The following PHF14 variants were observed in gnomAD, a reference collection of about 807,000 sequenced individuals.
PHF14 encodes the protein PHD finger protein 14.
In PHF14, 55 loss-of-function variants were observed where a neutral mutation model predicts 117.9. That is an observed-to-expected ratio of 0.47 (90% confidence interval 0.38 to 0.58). The LOEUF (loss-of-function observed/expected upper bound fraction) is 0.58. Ranked by LOEUF, PHF14 falls within the 20% of genes least tolerant of loss-of-function variation. PHF14 has a pLI of 0.00. For synonymous variants in PHF14, 409 were observed against 368.6 expected (o/e 1.11, Z -1.26); for missense variants, 978 against 1,122.2 (o/e 0.87, Z 1.84).
chr7:11,084,032 A>G (rs1391217310), intron 16 of PHF14, among the ~76,000 whole-genome samples: 2 of 152,242 alleles, frequency 1.3e-5, no homozygotes, highest in Non-Finnish European at 2.9e-5. Flanking sequence ...GTATAACATT[A>G]CATAAGGATA....
At position 11,097,766 on chromosome 7, in the gene PHF14, C is replaced by T. The variant is rs574009953; in HGVS notation, c.2655-13584C>T. ...TCTAACTCAGCATCTTGTTTAATATCATTGTATTACATAAGAATCAATAAA... is the reference window on the plus strand; with the variant it reads ...TCTAACTCAGCATCTTGTTTAATATTATTGTATTACATAAGAATCAATAAA... On this transcript the variant is annotated intron_variant, in intron 16 of 17. Coordinates refer to ENST00000634607, the MANE Select transcript of PHF14 (RefSeq NM_001007157.2). 5.3e-5 allele frequency among the ~76,000 whole-genome samples: 8 copies of T among 152,304 alleles called. No individual in the cohort carries two copies. The South Asian group carries it at 1.7e-3, about 32-fold the overall frequency.
At chr7:11,107,060 T>C (rs77444093) in intron 16 of PHF14, 81,884 of 982,080 alleles carry the variant, frequency 0.083, 3,553 homozygotes, top group African/African-American at 0.11. Context: ...GGAGGTGCAC[T>C]TAATTGTTTC....
rs56043099 is a variant in PHF14 at position 11,034,539 on chromosome 7, A to ATTTTTT, written c.1456-1079_1456-1074dup. ...ACAGGGCTTAGAATTTCTTAATTCT[A>ATTTTTT]TTTTTTTTTTTTTTTTTTTTTTTTT... On this transcript the variant is annotated intron_variant, in intron 7 of 17. Coordinates refer to ENST00000634607, the MANE Select transcript of PHF14 (RefSeq NM_001007157.2). Among the ~76,000 whole-genome samples, 21 of 63,096 alleles carry ATTTTTT rather than the reference A, an allele frequency of 3.3e-4. 1 individual carries two copies. Among genetic ancestry groups the ATTTTTT allele is most frequent in the East Asian group, 1.6e-3 (3 of 1,874 alleles). 41.4% of individuals were successfully genotyped at this position (63,096 alleles called of 152,430 possible).
At chr7:11,089,302 G>T (rs1387362909) in intron 16 of PHF14, among the ~76,000 whole-genome samples, 2 of 152,170 alleles carry the variant, frequency 1.3e-5, no homozygotes, top group African/African-American at 4.8e-5. Context: ...AAGGTGTAAG[G>T]ATATGTTCAT....
At chr7:11,046,440 T>C (rs536078533) in intron 13 of PHF14, among the ~76,000 whole-genome samples, 5 of 152,310 alleles carry the variant, frequency 3.3e-5, no homozygotes, top group African/African-American at 1.2e-4. Context: ...TCCTTGGATA[T>C]GTCTTTATTT....
intron 17 of PHF14, among the ~76,000 whole-genome samples, chr7:11,112,253 TGGA>T (rs1787470987): frequency 1.3e-5 from 2 of 152,220 alleles, no homozygotes; most frequent in South Asian, 4.1e-4. Flanking sequence ...TGTTGTATTA[TGGA>T]CATCCAGCCA....
At chr7:11,030,790 C>T (rs1784095491) in intron 7 of PHF14, among the ~76,000 whole-genome samples, 1 of 152,112 alleles carries the variant, frequency 6.6e-6, no homozygotes, top group Admixed American at 6.5e-5. Context: ...CTACCTTACT[C>T]AGTGTGCTGT....
chr7:10,979,615 T>G (rs1781987096), intron 2 of PHF14, among the ~76,000 whole-genome samples: 1 of 151,646 alleles, frequency 6.6e-6, no homozygotes, highest in African/African-American at 2.4e-5. Flanking sequence ...AAATTTTGTC[T>G]TTGCAGCCTA....
chr7:10,980,392 T>C (rs1782010372), intron 2 of PHF14, among the ~76,000 whole-genome samples: 2 of 152,180 alleles, frequency 1.3e-5, no homozygotes, highest in South Asian at 2.1e-4. Context: ...CTTAGAAGTG[T>C]TGAGTCAACT....
chr7:11,063,488 G>A (rs1029486471), intron 16 of PHF14: 2 of 982,424 alleles, frequency 2.0e-6, no homozygotes, highest in African/African-American at 1.8e-5. Flanking sequence ...TGGGGTTGAG[G>A]GTGGAGTTGA....
chr7:11,135,320 C>T (rs1283511975), intron 17 of PHF14, among the ~76,000 whole-genome samples: 1 of 151,828 alleles, frequency 6.6e-6, no homozygotes, highest in Non-Finnish European at 1.5e-5. Flanking sequence ...GTGAACCTGA[C>T]CAATACCTAA....
At chr7:11,100,654 A>C (rs1468003533) in intron 16 of PHF14, among the ~76,000 whole-genome samples, 1 of 151,948 alleles carries the variant, frequency 6.6e-6, no homozygotes, top group East Asian at 1.9e-4. Flanking sequence ...AGTGCCTTCC[A>C]CATTTGATCT....
intron 16 of PHF14, among the ~76,000 whole-genome samples, chr7:11,065,733 G>A (rs1347607509): frequency 6.6e-6 from 1 of 152,122 alleles, no homozygotes; most frequent in South Asian, 2.1e-4. Flanking sequence ...CTGTCTTTCA[G>A]TCTTTATCGA....
chr7:11,107,020 G>A (rs1032676791), intron 16 of PHF14: 1 of 983,348 alleles, frequency 1.0e-6, no homozygotes, highest in African/African-American at 1.8e-5. Context: ...CTAAAGTTTA[G>A]CTTACAAATG....
intron 7 of PHF14, among the ~76,000 whole-genome samples, chr7:11,030,648 T>G (rs745749858): frequency 6.6e-6 from 1 of 152,162 alleles, no homozygotes; most frequent in Admixed American, 6.5e-5. Context: ...TGAGGAAATT[T>G]ACAGGGAAAC....
At chr7:11,125,343 T>C (rs1344584586) in intron 17 of PHF14, among the ~76,000 whole-genome samples, 1 of 152,144 alleles carries the variant, frequency 6.6e-6, no homozygotes, top group African/African-American at 2.4e-5. Context: ...ATTTGTGTAG[T>C]GTCAGCTATT....
At chr7:11,137,859 T>TA (rs1272626609) in intron 17 of PHF14, among the ~76,000 whole-genome samples, 6 of 152,040 alleles carry the variant, frequency 3.9e-5, no homozygotes, top group Non-Finnish European at 5.9e-5. Flanking sequence ...AGTGTTGGGA[T>TA]TACAGGCATG....
At chr7:11,102,760 C>CT (rs1787135175) in intron 16 of PHF14, 5 of 1,382,954 alleles carry the variant, frequency 3.6e-6, no homozygotes, top group African/African-American at 2.9e-5. Flanking sequence ...TATTTTTCTT[C>CT]TTTTTGCTTT....
At chr7:11,145,368 A>G (rs1272778793) in intron 17 of PHF14, among the ~76,000 whole-genome samples, 3 of 152,088 alleles carry the variant, frequency 2.0e-5, no homozygotes, top group African/African-American at 4.8e-5. Flanking sequence ...ATGTGCATAT[A>G]TCCTTCATAT....
Sources: gnomAD v4.1 joint callset for allele counts (sites outside exome capture counted in the v4.1 genomes callset) on GRCh38, gnomAD v4.1.1 for gene constraint, MANE v1.5 for transcripts, NCBI Gene and HGNC (gene_info 2026-07-23, HGNC 2026-07-21) for gene names.